Variants in HSP90AA1 observed in about 807,000 individuals in gnomAD.
HSP90AA1 encodes heat shock protein HSP 90-alpha.
HSP90AA1 carries 18 observed loss-of-function variants against 73.3 expected under a neutral mutation model. The ratio of observed to expected loss-of-function variants is 0.25; its 90% CI spans 0.17 to 0.36. HSP90AA1 has a LOEUF of 0.36. Among genes scored for constraint, HSP90AA1 ranks in the 10% least tolerant of loss-of-function variants. The pLI, the probability that HSP90AA1 is intolerant of heterozygous loss-of-function variation, is 1.00. For synonymous variants in HSP90AA1, 477 were observed against 296.9 expected, an observed-to-expected ratio of 1.61 and a Z score of -6.24; for missense variants, 704 against 874.2, an observed-to-expected ratio of 0.81 and a Z score of 2.45.
rs746415941 is a variant in HSP90AA1 at position 102,083,315 on chromosome 14, A to G, written c.1487-13T>C. 4.5e-5 allele frequency: 73 copies of G among 1,613,918 alleles called. No individual in the cohort carries two copies. Among genetic ancestry groups the G allele is most frequent in the Non-Finnish European group, 5.4e-5 (64 of 1,179,910 alleles). ...TCCTTGGTCTCACCTGAGGTATTAC[A>G]AAGTTACTTTTAGACCTTTTAACAG... On this transcript the variant is annotated splice_polypyrimidine_tract_variant and intron_variant, in intron 8 of 10. Transcript: ENST00000216281.
chr14:102,088,941 T>C (rs1374309957), upstream of HSP90AA1, among the ~76,000 whole-genome samples: 1 of 151,568 alleles, frequency 6.6e-6, no homozygotes, highest in Admixed American at 6.6e-5. Flanking sequence ...GTCTCACTCT[T>C]GGTCCCCCAG....
upstream of HSP90AA1, among the ~76,000 whole-genome samples, chr14:102,090,589 A>C (rs1444319851): frequency 2.0e-5 from 3 of 152,034 alleles, no homozygotes; most frequent in Admixed American, 6.6e-5. Context: ...AGCTGGGACT[A>C]CAGGCGCCCG....
chr14:102,121,014 CACACACAT>C (rs1367865534), intron 1 of HSP90AA1, among the ~76,000 whole-genome samples: 2 of 145,892 alleles, frequency 1.4e-5, no homozygotes, highest in African/African-American at 2.7e-5. Flanking sequence ...CACACACACA[CACACACAT>C]ACACACACAC....
intron 1 of HSP90AA1, among the ~76,000 whole-genome samples, chr14:102,108,263 CAAAAA>C (rs34157305): frequency 1.3e-5 from 1 of 79,900 alleles, no homozygotes; most frequent in Non-Finnish European, 2.3e-5. Flanking sequence ...ACCTTGTCTC[CAAAAA>C]AAAAAAAAAA....
intron 1 of HSP90AA1, among the ~76,000 whole-genome samples, chr14:102,131,345 T>C (rs1213000041): frequency 4.6e-5 from 7 of 152,222 alleles, no homozygotes; most frequent in African/African-American, 1.4e-4. Context: ...AGAGTATATG[T>C]AGGATTCTGT....
intron 1 of HSP90AA1, among the ~76,000 whole-genome samples, chr14:102,110,262 G>A: frequency 6.6e-6 from 1 of 152,068 alleles, no homozygotes; most frequent in East Asian, 1.9e-4. Flanking sequence ...CAAAGAGACT[G>A]GTGGCATTCT....
intron 1 of HSP90AA1, among the ~76,000 whole-genome samples, chr14:102,115,213 C>A (rs1193237121): frequency 6.6e-6 from 1 of 151,878 alleles, no homozygotes; most frequent in Non-Finnish European, 1.5e-5. Context: ...ACAAGAGGAT[C>A]CCTTGAACCC....
At chr14:102,133,326 A>G (rs980294199) in intron 1 of HSP90AA1, among the ~76,000 whole-genome samples, 1 of 152,014 alleles carries the variant, frequency 6.6e-6, no homozygotes, top group African/African-American at 2.4e-5. Flanking sequence ...TGCTGATAAG[A>G]CTCTAATGAT....
intron 1 of HSP90AA1, among the ~76,000 whole-genome samples, chr14:102,109,315 T>C (rs911671558): frequency 6.6e-6 from 1 of 152,208 alleles, no homozygotes; most frequent in Non-Finnish European, 1.5e-5. Flanking sequence ...CTGATACGGT[T>C]TGGCTGTGTC....
At chr14:102,085,598 C>T in intron 3 of HSP90AA1, 160 bp downstream of exon 3, 2 of 1,267,500 alleles carry the variant, frequency 1.6e-6, no homozygotes, top group South Asian at 1.3e-5. Context: ...AAAGAACCGC[C>T]CACCAAGTCA....
At chr14:102,108,218 A>G (rs2049594006) in intron 1 of HSP90AA1, among the ~76,000 whole-genome samples, 1 of 142,298 alleles carries the variant, frequency 7.0e-6, no homozygotes, top group African/African-American at 2.6e-5. Context: ...AGCCATAATC[A>G]TGACATTGCA....
chr14:102,081,124 G>A lies in HSP90AA1; in HGVS notation c.*588C>T, dbSNP rs11547545. ...CACTACATTTCCATCCACAAGACTG[G>A]GTCTGAGTTATTTTTGAACAGCTTT... On this transcript the variant is annotated 3_prime_UTR_variant, in exon 11 of 11. Transcript: ENST00000216281. The A allele has an allele frequency of 0.022, 5,129 of 229,790 alleles. 106 individuals carry two copies. The highest frequency in any genetic ancestry group is 0.098 in the South Asian group (579 of 5,896). 14.2% of individuals were successfully genotyped at this position (229,790 alleles called of 1,614,324 possible).
chr14:102,128,631 A>AG (rs2049867362), intron 1 of HSP90AA1, among the ~76,000 whole-genome samples: 1 of 12,958 alleles, frequency 7.7e-5, no homozygotes, highest in Admixed American at 1.6e-3. Context: ...TCCGTCTCGG[A>AG]AAAAAAAAAA....
chr14:102,084,129 G>A, intron 6 of HSP90AA1, 146 bp from the exon 7 acceptor site: 1 of 769,212 alleles, frequency 1.3e-6, no homozygotes, highest in East Asian at 2.7e-5. Context: ...GAGGGCAGTG[G>A]CGCAATCTCC....
At chr14:102,084,193 C>G in intron 6 of HSP90AA1, 1 of 673,278 alleles carries the variant, frequency 1.5e-6, no homozygotes, top group Non-Finnish European at 2.6e-6. Context: ...CATGCCTCAG[C>G]CTGCCACTAC....
At chr14:102,139,334 G>A in exon 1 of HSP90AA1, 1 of 1,613,322 alleles carries the variant, frequency 6.2e-7, no homozygotes, top group Non-Finnish European at 8.5e-7. Flanking sequence ...AGCACTCTGG[G>A]CGGGACAGTC....
chr14:102,088,240 C>G (rs2049296432), upstream of HSP90AA1, among the ~76,000 whole-genome samples: 1 of 152,178 alleles, frequency 6.6e-6, no homozygotes, highest in Non-Finnish European at 1.5e-5. Context: ...CTGTGGGAAC[C>G]TTGGAGGCAT....
At chr14:102,107,720 G>C (rs1159262155) in intron 1 of HSP90AA1, among the ~76,000 whole-genome samples, 1 of 151,972 alleles carries the variant, frequency 6.6e-6, no homozygotes, top group Non-Finnish European at 1.5e-5. Context: ...TGTGACAGCT[G>C]GTGTGGCTGT....
chr14:102,130,287 T>A (rs902300188), intron 1 of HSP90AA1, among the ~76,000 whole-genome samples: 10 of 152,048 alleles, frequency 6.6e-5, no homozygotes, highest in African/African-American at 2.4e-4. Flanking sequence ...ATGTTTTGAT[T>A]TCTCTTGGGT....
Sources: allele counts gnomAD v4.1 joint callset (sites outside exome capture counted in the v4.1 genomes callset), GRCh38; gene constraint gnomAD v4.1.1; transcripts MANE v1.5; gene names NCBI Gene and HGNC (gene_info 2026-07-23, HGNC 2026-07-21).